The following ZMYM4 variants were observed in gnomAD, a reference collection of about 807,000 sequenced individuals.
ZMYM4 encodes zinc finger MYM-type protein 4.
Under a neutral mutation model 183.2 loss-of-function variants are expected in ZMYM4, and 31 were observed. The observed-to-expected ratio is 0.17, with a 90% confidence interval of 0.13 to 0.23. The LOEUF is 0.23. Ranked by LOEUF, ZMYM4 falls within the 10% of genes least tolerant of loss-of-function variation. The pLI, the probability that ZMYM4 is intolerant of heterozygous loss-of-function variation, is 1.00. For missense variants in ZMYM4, 1,273 were observed against 1,840.3 expected (o/e 0.69, Z 5.64); for synonymous variants, 592 against 631.2 (o/e 0.94, Z 0.93).
intron 1 of ZMYM4, among the ~76,000 whole-genome samples, chr1:35,276,579 T>C (rs1416938921): frequency 6.6e-6 from 1 of 152,126 alleles, no homozygotes; most frequent in Non-Finnish European, 1.5e-5. Context: ...GTTTCTTAAG[T>C]TTTTCTTAAC....
chr1:35,385,662 GT>G, intron 10 of ZMYM4, 70 bp downstream of exon 10: 22 of 1,474,232 alleles, frequency 1.5e-5, no homozygotes, highest in Middle Eastern at 1.8e-4. Flanking sequence ...GTTTTTAACG[GT>G]TTTTTTTGGT....
chr1:35,363,379 G>A (rs966674104), intron 5 of ZMYM4, among the ~76,000 whole-genome samples: 4 of 152,200 alleles, frequency 2.6e-5, no homozygotes, highest in Non-Finnish European at 5.9e-5. Flanking sequence ...GAAATGTCCT[G>A]TGCATTGCAG....
At chr1:35,348,256 TG>T (rs1643471694) in intron 2 of ZMYM4, among the ~76,000 whole-genome samples, 1 of 152,230 alleles carries the variant, frequency 6.6e-6, no homozygotes, top group African/African-American at 2.4e-5. Flanking sequence ...TATCACCTTT[TG>T]GTAAGCTATA....
At chr1:35,373,715 G>A (rs1644270493) in intron 7 of ZMYM4, among the ~76,000 whole-genome samples, 2 of 147,152 alleles carry the variant, frequency 1.4e-5, no homozygotes, top group African/African-American at 5.0e-5. Flanking sequence ...TTTTTTATAT[G>A]TTTAGTAGAG....
At chr1:35,385,246 A>G (rs999361097) in intron 9 of ZMYM4, among the ~76,000 whole-genome samples, 196 bp from the exon 10 acceptor site, 1 of 152,226 alleles carries the variant, frequency 6.6e-6, no homozygotes, top group Non-Finnish European at 1.5e-5. Context: ...GTTTTATTAC[A>G]TACATGCATC....
intron 1 of ZMYM4, among the ~76,000 whole-genome samples, chr1:35,297,734 A>G (rs1193020825): frequency 6.6e-6 from 1 of 152,186 alleles, no homozygotes; most frequent in Non-Finnish European, 1.5e-5. Context: ...CACAGGTGAT[A>G]GCCTGATTAA....
chr1:35,337,755 A>G (rs1450279258), intron 2 of ZMYM4, among the ~76,000 whole-genome samples: 2 of 152,052 alleles, frequency 1.3e-5, no homozygotes, highest in Non-Finnish European at 2.9e-5. Flanking sequence ...CCTGGCTAAC[A>G]TGGCGAAACC....
At chr1:35,328,576 G>T (rs115312977) in intron 2 of ZMYM4, among the ~76,000 whole-genome samples, 7,195 of 150,798 alleles carry the variant, frequency 0.048, 227 homozygotes, top group South Asian at 0.071. Flanking sequence ...GATTACAGGA[G>T]TGAGCCACCA....
intron 2 of ZMYM4, among the ~76,000 whole-genome samples, chr1:35,328,343 A>G (rs905208358): frequency 6.6e-6 from 1 of 152,038 alleles, no homozygotes; most frequent in African/African-American, 2.4e-5. Flanking sequence ...ATGCAGTGGC[A>G]TGATCATAGC....
At chr1:35,356,952 T>C (rs1440720676) in intron 2 of ZMYM4, among the ~76,000 whole-genome samples, 1 of 152,218 alleles carries the variant, frequency 6.6e-6, no homozygotes, top group South Asian at 2.1e-4. Flanking sequence ...GGCACAATTA[T>C]AGCTTGCTGC....
chr1:35,322,348 C>G (rs1282740001), intron 1 of ZMYM4, among the ~76,000 whole-genome samples: 3 of 152,060 alleles, frequency 2.0e-5, no homozygotes, highest in African/African-American at 7.2e-5. Context: ...GAAATATAGT[C>G]AAACTTTAAA....
chr1:35,392,805 C>T, intron 17 of ZMYM4, 121 bp downstream of exon 17: 8 of 674,390 alleles, frequency 1.2e-5, no homozygotes, highest in Non-Finnish European at 1.9e-5. Context: ...TTCATTAGCT[C>T]ATTTAATCTT....
intron 13 of ZMYM4, among the ~76,000 whole-genome samples, chr1:35,388,577 TAAAACA>T (rs752816381): frequency 1.8e-4 from 27 of 152,072 alleles, no homozygotes; most frequent in Middle Eastern, 3.4e-3. Flanking sequence ...TTATATCATT[TAAAACA>T]AAAACAAAAA....
At chr1:35,351,820 T>C (rs1476357111) in intron 2 of ZMYM4, among the ~76,000 whole-genome samples, 1 of 152,228 alleles carries the variant, frequency 6.6e-6, no homozygotes, top group African/African-American at 2.4e-5. Flanking sequence ...CATAGAATTA[T>C]CAGTATACTG....
At chr1:35,322,507 T>C (rs1557998666) in intron 1 of ZMYM4, among the ~76,000 whole-genome samples, 1 of 152,114 alleles carries the variant, frequency 6.6e-6, no homozygotes, top group Non-Finnish European at 1.5e-5. Flanking sequence ...CCTTAAATGG[T>C]TGTCATCTTC....
intron 1 of ZMYM4, among the ~76,000 whole-genome samples, chr1:35,293,043 C>G (rs1165409363): frequency 6.6e-6 from 1 of 151,560 alleles, no homozygotes; most frequent in Non-Finnish European, 1.5e-5. Flanking sequence ...CTCTGTCACC[C>G]AGGCTGGAGT....
chr1:35,342,901 C>A (rs144854174), intron 2 of ZMYM4, among the ~76,000 whole-genome samples: 118 of 152,114 alleles, frequency 7.8e-4, no homozygotes, highest in African/African-American at 2.7e-3. Flanking sequence ...AGGCTGGTAG[C>A]GAACTCCAGG....
At chr1:35,415,002 C>G (rs1158768153) in intron 27 of ZMYM4, among the ~76,000 whole-genome samples, 1 of 152,090 alleles carries the variant, frequency 6.6e-6, no homozygotes, top group Non-Finnish European at 1.5e-5. Context: ...GAGCCCTGAT[C>G]GTGCCACTGC....
chr1:35,410,879 G>A (rs962139781), intron 26 of ZMYM4, among the ~76,000 whole-genome samples: 1 of 151,818 alleles, frequency 6.6e-6, no homozygotes, highest in Non-Finnish European at 1.5e-5. Context: ...TGTGCTCCTG[G>A]TGTTATATCT....
Sources: gnomAD v4.1 joint callset for allele counts (sites outside exome capture counted in the v4.1 genomes callset) on GRCh38, gnomAD v4.1.1 for gene constraint, MANE v1.5 for transcripts, NCBI Gene and HGNC (gene_info 2026-07-23, HGNC 2026-07-21) for gene names.